The following ADK variants were observed in gnomAD, a reference collection of about 807,000 sequenced individuals.
ADK encodes the protein N6,N6-dimethyladenosine kinase.
In ADK, 24 loss-of-function variants were observed where a neutral mutation model predicts 44.7. The ratio of observed to expected loss-of-function variants is 0.54; its 90% CI spans 0.39 to 0.76. The LOEUF is 0.76. Ranked by LOEUF, ADK falls within the 30% of genes least tolerant of loss-of-function variation. The probability of loss-of-function intolerance (pLI) is 0.00; values close to 1 mark genes in which losing one functional copy is unlikely to be tolerated. For missense variants in ADK, 321 were observed against 425.1 expected (o/e 0.76, Z 2.15); for synonymous variants, 128 against 142.6 (o/e 0.90, Z 0.73).
In ADK at chr10:74,294,138, A is replaced by T. The variant is rs536985723; in HGVS notation, c.195-20529A>T. Among the ~76,000 whole-genome samples the T allele has an allele frequency of 6.2e-4, 94 of 152,254 alleles. 1 individual carries two copies. The highest frequency in any genetic ancestry group is 4.4e-3 in the South Asian group (21 of 4,826). ...TTTCTTTTCCATGTCCTATTCCATC[A>T]TATGAATTTATCTCAGTTTATTTTT... On this transcript the variant is annotated intron_variant, in intron 3 of 10. Coordinates refer to ENST00000539909, the MANE Select transcript of ADK (RefSeq NM_006721.4).
chr10:74,540,463 A>AT (rs548308949), intron 7 of ADK, among the ~76,000 whole-genome samples: 20 of 149,842 alleles, frequency 1.3e-4, no homozygotes, highest in East Asian at 1.9e-4. Flanking sequence ...AATGCCTTTA[A>AT]TTTTTTTTTT....
At chr10:74,429,202 A>G (rs566406205) in intron 6 of ADK, among the ~76,000 whole-genome samples, 1 of 152,352 alleles carries the variant, frequency 6.6e-6, no homozygotes, top group South Asian at 2.1e-4. Flanking sequence ...GGAGAGTCAT[A>G]AAAGACACTT....
At chr10:74,211,407 C>A (rs1843807072) in intron 2 of ADK, among the ~76,000 whole-genome samples, 1 of 152,058 alleles carries the variant, frequency 6.6e-6, no homozygotes, top group Admixed American at 6.6e-5. Context: ...CTTTTAATAA[C>A]ATGTAAAATT....
intron 9 of ADK, among the ~76,000 whole-genome samples, chr10:74,625,812 G>A (rs1480307927): frequency 6.6e-6 from 1 of 152,048 alleles, no homozygotes; most frequent in East Asian, 1.9e-4. Context: ...AATGCAAAAG[G>A]CTAATGAATT....
chr10:74,617,192 A>G (rs1294003234), intron 9 of ADK, among the ~76,000 whole-genome samples: 1 of 152,216 alleles, frequency 6.6e-6, no homozygotes, highest in South Asian at 2.1e-4. Context: ...TTAGCACGGT[A>G]AGACATGTAG....
rs1840057207 is a variant in ADK, at chr10:74,302,090, GTTTTTTTTTTGTTTGTTTGTT to G, written c.195-12566_195-12546del. On this transcript the variant is annotated intron_variant, in intron 3 of 10. Transcript: ENST00000539909. ...TTATTTTTGCTTTCTTTTCTTTTCT[GTTTTTTTTTTGTTTGTTTGTT>G]TTTTTTTTTTTTTTTTTTTTTTTTT... Among the ~76,000 whole-genome samples, 22 of 17,036 alleles carry G rather than the reference GTTTTTTTTTTGTTTGTTTGTT, an allele frequency of 1.3e-3. 3 individuals are homozygous for G. Among genetic ancestry groups the G allele is most frequent in the African/African-American group, 5.1e-3 (20 of 3,914 alleles). The allele number at this position is 17,036 out of a possible 152,430, so 11.2% of individuals were successfully genotyped here. A position where few individuals can be genotyped will look rare whatever the true frequency, so the allele number is the denominator to read the frequency against.
At chr10:74,394,387 A>G (rs1843439758) in intron 5 of ADK, 74 bp downstream of exon 5, 2 of 1,447,722 alleles carry the variant, frequency 1.4e-6, no homozygotes, top group Non-Finnish European at 1.9e-6. Context: ...TTCCAATGTG[A>G]ATTTGGAATT....
chr10:74,678,526 G>A (rs1855489174), intron 10 of ADK, among the ~76,000 whole-genome samples: 1 of 152,166 alleles, frequency 6.6e-6, no homozygotes, highest in East Asian at 1.9e-4. Flanking sequence ...TCATCTAGAA[G>A]CAATTGTAAA....
intron 6 of ADK, among the ~76,000 whole-genome samples, chr10:74,438,246 G>A (rs79509066): frequency 9.1e-6 from 1 of 110,368 alleles, no homozygotes; most frequent in East Asian, 2.5e-4. Flanking sequence ...TTTTTTTTTT[G>A]AGACAGTCTC....
At chr10:74,357,625 C>G (rs1202745257) in intron 4 of ADK, among the ~76,000 whole-genome samples, 2 of 152,012 alleles carry the variant, frequency 1.3e-5, no homozygotes, top group African/African-American at 2.4e-5. Context: ...TAACTTAACT[C>G]TGGCTCACAC....
chr10:74,436,934 T>A (rs1210905212), intron 6 of ADK, among the ~76,000 whole-genome samples: 1 of 152,138 alleles, frequency 6.6e-6, no homozygotes, highest in Non-Finnish European at 1.5e-5. Flanking sequence ...CTACTCTTAT[T>A]TGTAGATGAC....
At chr10:74,624,106 T>C (rs755002315) in intron 9 of ADK, among the ~76,000 whole-genome samples, 5 of 152,166 alleles carry the variant, frequency 3.3e-5, no homozygotes, top group Non-Finnish European at 7.4e-5. Context: ...TGGTTACACG[T>C]GAAATATTAA....
intron 6 of ADK, among the ~76,000 whole-genome samples, chr10:74,458,961 A>G (rs1305719811): frequency 1.3e-5 from 2 of 152,110 alleles, no homozygotes; most frequent in African/African-American, 4.8e-5. Flanking sequence ...GTGAAAAGCA[A>G]TTTTTCCTAA....
chr10:74,664,854 G>C (rs1229552616), intron 9 of ADK, among the ~76,000 whole-genome samples: 1 of 152,028 alleles, frequency 6.6e-6, no homozygotes, highest in South Asian at 2.1e-4. Flanking sequence ...AGAAAAAAAA[G>C]TAATATGTGA....
intron 9 of ADK, among the ~76,000 whole-genome samples, chr10:74,629,889 G>A (rs897005704): frequency 1.3e-5 from 2 of 151,878 alleles, no homozygotes; most frequent in African/African-American, 4.8e-5. Context: ...ACTACTAGTG[G>A]GATAAATGTT....
intron 6 of ADK, among the ~76,000 whole-genome samples, chr10:74,487,079 A>G (rs1360210487): frequency 6.6e-6 from 1 of 152,154 alleles, no homozygotes; most frequent in Non-Finnish European, 1.5e-5. Flanking sequence ...CCCTGCATTC[A>G]TAAAGCAGTC....
At chr10:74,608,843 G>A (rs1023923637) in intron 9 of ADK, among the ~76,000 whole-genome samples, 19 of 152,158 alleles carry the variant, frequency 1.2e-4, no homozygotes, top group African/African-American at 4.6e-4. Context: ...TCCCCCAGGT[G>A]CTCTGTCCCA....
intron 1 of ADK, among the ~76,000 whole-genome samples, chr10:74,158,389 A>G (rs1052468991): frequency 6.6e-6 from 1 of 152,202 alleles, no homozygotes; most frequent in Non-Finnish European, 1.5e-5. Flanking sequence ...GTAGGCTATA[A>G]TCTTTTAAGC....
intron 10 of ADK, among the ~76,000 whole-genome samples, chr10:74,689,044 T>A (rs935098733): frequency 6.6e-6 from 1 of 152,028 alleles, no homozygotes; most frequent in Non-Finnish European, 1.5e-5. Flanking sequence ...GGTCAGGAGA[T>A]CGAGACCATC....
Sources: gnomAD v4.1 joint callset for allele counts (sites outside exome capture counted in the v4.1 genomes callset) on GRCh38, gnomAD v4.1.1 for gene constraint, MANE v1.5 for transcripts, NCBI Gene and HGNC (gene_info 2026-07-23, HGNC 2026-07-21) for gene names.